The following TIAM1 variants were observed in gnomAD, a reference collection of about 807,000 sequenced individuals.
The protein encoded by TIAM1 is TIAM Rac1 associated GEF 1, also known as rho guanine nucleotide exchange factor TIAM1.
TIAM1 carries 65 observed loss-of-function variants against 163.5 expected under a neutral mutation model. That is an observed-to-expected ratio of 0.40 (90% CI 0.33 to 0.49). The LOEUF is 0.49. Among genes scored for constraint, TIAM1 ranks in the 20% least tolerant of loss-of-function variants. The pLI is 0.77. For missense variants in TIAM1, 1,789 were observed against 2,044.7 expected (o/e 0.87, Z 2.41); for synonymous variants, 833 against 810.1 (o/e 1.03, Z -0.48).
intron 2 of TIAM1, among the ~76,000 whole-genome samples, chr21:31,379,763 C>A (rs2076746678): frequency 6.6e-6 from 1 of 152,012 alleles, no homozygotes; most frequent in African/African-American, 2.4e-5. Context: ...GTGAAAGAAG[C>A]CAGTCAAAAA....
intron 7 of TIAM1, among the ~76,000 whole-genome samples, chr21:31,223,795 C>T (rs2087769314): frequency 6.6e-6 from 1 of 152,182 alleles, no homozygotes; most frequent in Non-Finnish European, 1.5e-5. Context: ...TAGAAAGTGA[C>T]AAGTTCCTCT....
rs1439558725 is a variant in TIAM1 at position 31,234,791 on chromosome 21, A to C, written c.1585-8841T>G. 2.1e-5 allele frequency among the ~76,000 whole-genome samples: 3 copies of C among 144,906 alleles called. No individual in the cohort carries two copies. The Admixed American group carries it at 2.1e-4, about 10-fold the overall frequency. On this transcript the variant is annotated intron_variant, in intron 6 of 27. Coordinates refer to ENST00000541036, the MANE Select transcript of TIAM1 (RefSeq NM_001353694.2). ...AGTGAGACCCTGTCTCCAAAAAAAA[A>C]GAGAAGAAATTGTGCTTGCTTTGGC...
chr21:31,487,597 C>CCGGACTG (rs2046317826), intron 1 of TIAM1, among the ~76,000 whole-genome samples: 2 of 142,104 alleles, frequency 1.4e-5, no homozygotes, highest in Non-Finnish European at 3.0e-5. Context: ...GTCGCCCAGG[C>CCGGACTG]CGGACTGCGG....
At position 31,494,236 on chromosome 21, in the gene TIAM1, C is replaced by A. The variant is rs983454605; in HGVS notation, c.-421-30201G>T. Among the ~76,000 whole-genome samples, 3 of 152,158 alleles carry A rather than the reference C, an allele frequency of 2.0e-5. No individual in the cohort carries two copies. In the East Asian group the frequency reaches 5.8e-4, roughly 30 times the overall value. ...GCCCATCTAATAATTTATTTCTGTA[C>A]CCTCTACAGGCTCTGAACACACATA... On this transcript the variant is annotated intron_variant, in intron 1 of 28. Coordinates refer to the TIAM1 transcript ENST00000286827.
chr21:31,380,459 C>G (rs1330542662), intron 2 of TIAM1, among the ~76,000 whole-genome samples: 1 of 152,150 alleles, frequency 6.6e-6, no homozygotes, highest in Non-Finnish European at 1.5e-5. Flanking sequence ...AGGAGAATCA[C>G]TTGAATCCAG....
At chr21:31,194,619 G>A (rs2085759723) in intron 13 of TIAM1, among the ~76,000 whole-genome samples, 1 of 152,174 alleles carries the variant, frequency 6.6e-6, no homozygotes, top group Non-Finnish European at 1.5e-5. Flanking sequence ...CATGCTGGAT[G>A]CCACATAATC....
At chr21:31,341,667 CA>C (rs2076019675) in intron 1 of TIAM1, among the ~76,000 whole-genome samples, 1 of 151,810 alleles carries the variant, frequency 6.6e-6, no homozygotes, top group Non-Finnish European at 1.5e-5. Context: ...GTGGTGTTCA[CA>C]AACAGAAAGT....
At chr21:31,380,213 A>C (rs2076754529) in intron 2 of TIAM1, among the ~76,000 whole-genome samples, 1 of 152,160 alleles carries the variant, frequency 6.6e-6, no homozygotes, top group South Asian at 2.1e-4. Context: ...CAGTTGGAGC[A>C]CGCCACCGCA....
At chr21:31,423,848 G>T (rs1373465398) in intron 2 of TIAM1, among the ~76,000 whole-genome samples, 1 of 129,024 alleles carries the variant, frequency 7.8e-6, no homozygotes, top group Non-Finnish European at 1.6e-5. Flanking sequence ...GTAAATTAAT[G>T]ATTATCGGGG....
At position 31,118,432 on chromosome 21, in the gene TIAM1, TTTA is replaced by T. The variant is rs1018582125; in HGVS notation, c.*1933_*1935del. 1 of 362,274 alleles carries T rather than the reference TTTA, an allele frequency of 2.8e-6. No homozygotes were observed. The highest frequency in any genetic ancestry group is 2.2e-5 in the African/African-American group (1 of 46,172). The allele number at this position is 362,274 out of a possible 1,614,324, so 22.4% of individuals were successfully genotyped here. A position where few individuals can be genotyped will look rare whatever the true frequency, so the allele number is the denominator to read the frequency against. ...AACCGCCCAGACACTTTTCGTTATT[TTTA>T]TTGTTTGACAAGCATTTACAACGTT... On this transcript the variant is annotated 3_prime_UTR_variant, in exon 28 of 28. Transcript: ENST00000541036.
At chr21:31,174,684 G>C (rs2084679865) in intron 15 of TIAM1, among the ~76,000 whole-genome samples, 1 of 152,126 alleles carries the variant, frequency 6.6e-6, no homozygotes, top group South Asian at 2.1e-4. Flanking sequence ...TTTCGCTCTT[G>C]TTGTCCAGGC....
intron 2 of TIAM1, among the ~76,000 whole-genome samples, chr21:31,458,927 G>A (rs976739820): frequency 3.9e-5 from 6 of 152,180 alleles, no homozygotes; most frequent in African/African-American, 1.4e-4. Context: ...GCAGGGGCAC[G>A]CTGCGTGTAT....
At chr21:31,185,496 T>C (rs1416494366) in intron 14 of TIAM1, among the ~76,000 whole-genome samples, 1 of 144,198 alleles carries the variant, frequency 6.9e-6, no homozygotes, top group Non-Finnish European at 1.5e-5. Flanking sequence ...ATATATTATA[T>C]GCTTATATAT....
chr21:31,419,250 A>G (rs1025476077), intron 2 of TIAM1, among the ~76,000 whole-genome samples: 1 of 152,258 alleles, frequency 6.6e-6, no homozygotes, highest in Admixed American at 6.5e-5. Context: ...TCAGCTGCAC[A>G]TGAATGCGTG....
chr21:31,452,037 T>A (rs1172791453), intron 2 of TIAM1, among the ~76,000 whole-genome samples: 1 of 152,128 alleles, frequency 6.6e-6, no homozygotes, highest in African/African-American at 2.4e-5. Context: ...CTTCCAAGAT[T>A]GGCAGACCAC....
At chr21:31,160,757 C>G (rs2146349311) in intron 16 of TIAM1, 1 of 365,338 alleles carries the variant, frequency 2.7e-6, no homozygotes, top group East Asian at 4.0e-5. Flanking sequence ...TCGCTTCCCA[C>G]CAGTGCCCTC....
intron 15 of TIAM1, among the ~76,000 whole-genome samples, chr21:31,168,697 G>A (rs975346388): frequency 6.6e-6 from 1 of 152,142 alleles, no homozygotes; most frequent in Admixed American, 6.5e-5. Flanking sequence ...ACTGTGCCAG[G>A]CCCCCTGACA....
In TIAM1 at chr21:31,141,492, G is replaced by A. The variant is rs201737317; in HGVS notation, c.3488C>T (p.Thr1163Met). ...PKVLVKAKTDTAFKAFLDAQN... is the reference protein window; with the variant it reads ...PKVLVKAKTDMAFKAFLDAQN... ...GGCATCCAAGAATGCCTTGAAAGCCGTGTCTGTCTTGGCTGGCAGGGTTTA... is the reference window on the plus strand; with the variant it reads ...GGCATCCAAGAATGCCTTGAAAGCCATGTCTGTCTTGGCTGGCAGGGTTTA... Residue 1163 changes from threonine (T) to methionine (M), a missense_variant, in exon 21 of 28, where the codon ACG becomes ATG. Physicochemically the swap from Thr to Met is moderately conservative, Grantham distance 81 (BLOSUM62 -1). This residue lies in a region of TIAM1 where 60 missense variants were observed against 132.6 expected (regional missense o/e 0.45). Coordinates refer to ENST00000541036, the MANE Select transcript of TIAM1 (RefSeq NM_001353694.2). This position sits in a 1 kb window ranked among gnomAD's most constrained non-coding sequence, Gnocchi z 4.7. 9.7e-5 allele frequency: 157 copies of A among 1,614,024 alleles called. No individual in the cohort carries two copies. Among genetic ancestry groups the A allele is most frequent in the Middle Eastern group, 8.3e-4 (5 of 6,000 alleles).
At chr21:31,481,378 C>T (rs2046104126) in intron 1 of TIAM1, among the ~76,000 whole-genome samples, 1 of 152,130 alleles carries the variant, frequency 6.6e-6, no homozygotes, top group Non-Finnish European at 1.5e-5. Context: ...TTCCTCACAC[C>T]AACCAATGCT....
Sources: allele counts gnomAD v4.1 joint callset (sites outside exome capture counted in the v4.1 genomes callset), GRCh38; gene constraint gnomAD v4.1.1; regional missense constraint gnomAD v4.1.1; non-coding constraint Gnocchi (gnomAD v3.1); transcripts MANE v1.5; gene names NCBI Gene and HGNC (gene_info 2026-07-23, HGNC 2026-07-21).